Variants in FSD1L observed in about 807,000 individuals in gnomAD.
FSD1L encodes the protein fibronectin type III and SPRY domain containing 1 like.
In FSD1L, 45 loss-of-function variants were observed where a neutral mutation model predicts 71.6. The observed-to-expected ratio is 0.63, with a 90% confidence interval of 0.49 to 0.81. FSD1L has a LOEUF of 0.81. Ranked by LOEUF, FSD1L falls within the 30% of genes least tolerant of loss-of-function variation. FSD1L has a pLI of 0.00. For synonymous variants in FSD1L, 197 were observed against 207.2 expected (o/e 0.95, Z 0.42); for missense variants, 561 against 618.1 (o/e 0.91, Z 0.98).
chr9:105,522,097 G>T, intron 10 of FSD1L: 1 of 1,613,390 alleles, frequency 6.2e-7, no homozygotes, highest in Non-Finnish European at 8.5e-7. Context: ...TTGGCAGGTC[G>T]ACTTGCAGGA....
intron 5 of FSD1L, among the ~76,000 whole-genome samples, chr9:105,477,737 T>A (rs996536129): frequency 6.6e-6 from 1 of 152,218 alleles, no homozygotes; most frequent in East Asian, 1.9e-4. Flanking sequence ...TTAAATTAAC[T>A]TTTTAAACAT....
In FSD1L at chr9:105,479,284, T is replaced by C. The variant is rs960157150; in HGVS notation, c.442-70T>C. On this transcript the variant is annotated intron_variant, in intron 5 of 13. Coordinates refer to ENST00000481272, the MANE Select transcript of FSD1L (RefSeq NM_001145313.3). ...TTTATATCCTAACTTTTCTTGCATGTCACTGCCATTGAAACTTGCATGAAA... is the reference window on the plus strand; with the variant it reads ...TTTATATCCTAACTTTTCTTGCATGCCACTGCCATTGAAACTTGCATGAAA... 5.8e-6 allele frequency: 8 copies of C among 1,382,492 alleles called. No homozygotes were observed. In the Admixed American group the frequency reaches 1.4e-4, roughly 25 times the overall value. The allele number at this position is 1,382,492 out of a possible 1,614,324, so 85.6% of individuals were successfully genotyped here.
At chr9:105,538,009 C>A (rs750056904) in intron 12 of FSD1L, among the ~76,000 whole-genome samples, 2 of 152,100 alleles carry the variant, frequency 1.3e-5, no homozygotes, top group Non-Finnish European at 2.9e-5. Context: ...CCAGTGTGAT[C>A]AAGAGGATGA....
At chr9:105,486,949 C>G (rs1406921125) in intron 7 of FSD1L, among the ~76,000 whole-genome samples, 2 of 152,036 alleles carry the variant, frequency 1.3e-5, no homozygotes, top group African/African-American at 2.4e-5. Flanking sequence ...ATCATATAGA[C>G]AGAATCATGT....
At position 105,468,276 on chromosome 9, in the gene FSD1L, G is replaced by A; in HGVS notation, c.291G>A (p.Met97Ile). The change falls in exon 4 of 14, where the codon ATG (methionine) becomes ATA (isoleucine). Residue 97 changes from methionine (M) to isoleucine (I), a missense_variant. Met to Ile is a conservative substitution (Grantham distance 10). This residue lies in a region of FSD1L where 410 missense variants were observed against 413.5 expected (regional missense o/e 0.99). Transcript: ENST00000481272. ...YSILDEVKES[M>I]INCIKQEQAR... ...TACTGGATGAAGTAAAAGAAAGTAT[G>A]ATTAACTGTATCAAGCAGGAACAAG... The A allele has an allele frequency of 2.7e-6, 4 of 1,491,588 alleles. No homozygotes were observed. The highest frequency in any genetic ancestry group is 3.6e-6 in the Non-Finnish European group (4 of 1,125,980). 92.4% of individuals were successfully genotyped at this position (1,491,588 alleles called of 1,614,324 possible).
At chr9:105,471,389 T>C (rs915892638) in intron 4 of FSD1L, among the ~76,000 whole-genome samples, 1 of 152,120 alleles carries the variant, frequency 6.6e-6, no homozygotes, top group African/African-American at 2.4e-5. Context: ...CTGGCATTGT[T>C]AGAGGGGAGC....
chr9:105,498,461 T>G (rs1833561868), intron 7 of FSD1L, among the ~76,000 whole-genome samples: 1 of 152,108 alleles, frequency 6.6e-6, no homozygotes, highest in Admixed American at 6.6e-5. Context: ...AGCATGTTAC[T>G]GTACTGAATA....
At position 105,479,206 on chromosome 9, in the gene FSD1L, A is replaced by G. The variant is rs904899078; in HGVS notation, c.442-148A>G. 4.4e-5 allele frequency: 27 copies of G among 616,242 alleles called. No homozygotes were observed. The Middle Eastern group carries it at 7.8e-4, about 18-fold the overall frequency. The allele number at this position is 616,242 out of a possible 1,614,324, so 38.2% of individuals were successfully genotyped here. On this transcript the variant is annotated intron_variant, in intron 5 of 13. Coordinates refer to ENST00000481272, the MANE Select transcript of FSD1L (RefSeq NM_001145313.3). ...ATGAAAGCTTATGTGAACTATACAC[A>G]TAAATTTTCTATAGTTTGTGTTTTG...
chr9:105,530,576 G>A lies in FSD1L; in HGVS notation c.1026-3917G>A, dbSNP rs201115063. ...TTAATACATTTTGAAGCAGTGCTAA[G>A]TGAAATTTTTCTCTTTATTTGTATG... is the stretch of plus-strand genomic sequence containing the variant. On this transcript the variant is annotated intron_variant, in intron 10 of 13. Transcript: ENST00000481272. 311 of 693,556 alleles carry A rather than the reference G, an allele frequency of 4.5e-4. 2 individuals carry two copies. The East Asian group carries it at 6.5e-3, about 14-fold the overall frequency. The allele number at this position is 693,556 out of a possible 1,614,324, so 43.0% of individuals were successfully genotyped here.
In FSD1L at chr9:105,467,223, G is replaced by A. The variant is rs565261158; in HGVS notation, c.208-970G>A. ...TACCACCACCTTTGATGAGGTGCCT[G>A]TGAGGTATCTAGTTTTTATAAACAT... On this transcript the variant is annotated intron_variant, in intron 3 of 13. Transcript: ENST00000481272. Among the ~76,000 whole-genome samples the A allele has an allele frequency of 5.7e-4, 87 of 152,264 alleles. 1 individual carries two copies. Among genetic ancestry groups the A allele is most frequent in the African/African-American group, 1.8e-3 (75 of 41,554 alleles).
At chr9:105,479,292 A>G (rs972404038) in intron 5 of FSD1L, 62 bp from the exon 6 acceptor site, 4 of 1,482,134 alleles carry the variant, frequency 2.7e-6, no homozygotes, top group African/African-American at 1.4e-5. Context: ...TGTCACTGCC[A>G]TTGAAACTTG....
At chr9:105,477,837 C>T (rs960134140) in intron 5 of FSD1L, among the ~76,000 whole-genome samples, 2 of 152,052 alleles carry the variant, frequency 1.3e-5, no homozygotes, top group South Asian at 2.1e-4. Context: ...GAATGATTTT[C>T]GGAAACATTA....
At position 105,490,094 on chromosome 9, in the gene FSD1L, G is replaced by A. The variant is rs376235637; in HGVS notation, c.586+5592G>A. Among the ~76,000 whole-genome samples the A allele has an allele frequency of 2.5e-4, 38 of 152,288 alleles. No homozygotes were observed. In the East Asian group the frequency reaches 6.9e-3, roughly 28 times the overall value. On this transcript the variant is annotated intron_variant, in intron 7 of 13. Coordinates refer to ENST00000481272, the MANE Select transcript of FSD1L (RefSeq NM_001145313.3). ...GGAATCACCACACTGACTTCCACAA[G>A]GGATGAACTAGTTTACAGTCCCACC...
rs528374854 is a variant in FSD1L at position 105,487,086 on chromosome 9, A to G, written c.586+2584A>G. 3.9e-5 allele frequency among the ~76,000 whole-genome samples: 6 copies of G among 152,280 alleles called. No individual in the cohort carries two copies. In the East Asian group the frequency reaches 1.2e-3, roughly 29 times the overall value. ...AAGCATACATATACATTGTTATATA[A>G]TTTTGCTTTGCCACTTAACAGTATG... On this transcript the variant is annotated intron_variant, in intron 7 of 13. Coordinates refer to ENST00000481272, the MANE Select transcript of FSD1L (RefSeq NM_001145313.3).
rs929255907 is a variant in FSD1L at position 105,454,407 on chromosome 9, C to T, written c.15+6172C>T. 2.6e-5 allele frequency among the ~76,000 whole-genome samples: 4 copies of T among 152,258 alleles called. No homozygotes were observed. In the South Asian group the frequency reaches 8.3e-4, roughly 32 times the overall value. ...TGTTATAAATATCACAGATAAGCAT[C>T]CTTGTAGCCAAGTCTCTGCTTACAC... On this transcript the variant is annotated intron_variant, in intron 1 of 13. Transcript: ENST00000481272.
upstream of FSD1L, chr9:105,447,901 G>A (rs1040197059): frequency 2.5e-5 from 12 of 482,738 alleles, no homozygotes; most frequent in African/African-American, 4.2e-5. Flanking sequence ...GGGGAAGGGA[G>A]TGCAGCCTGC....
At chr9:105,544,708 G>C (rs1206492109) in intron 13 of FSD1L, among the ~76,000 whole-genome samples, 4 of 151,990 alleles carry the variant, frequency 2.6e-5, no homozygotes, top group East Asian at 1.9e-4. Flanking sequence ...TCTTGTTTTT[G>C]TCAGGTTTGT....
chr9:105,523,693 A>C (rs577434013), intron 10 of FSD1L: 1 of 1,597,874 alleles, frequency 6.3e-7, no homozygotes, highest in Non-Finnish European at 8.6e-7. Context: ...GGTAAATTAC[A>C]TGCATATAAA....
At chr9:105,478,461 T>C (rs1258541949) in intron 5 of FSD1L, among the ~76,000 whole-genome samples, 1 of 152,218 alleles carries the variant, frequency 6.6e-6, no homozygotes, top group Non-Finnish European at 1.5e-5. Flanking sequence ...TGCTAGGCAC[T>C]GGGGATACAG....
Sources: gnomAD v4.1 joint callset for allele counts (sites outside exome capture counted in the v4.1 genomes callset) on GRCh38, gnomAD v4.1.1 for gene constraint, gnomAD v4.1.1 regional missense constraint, MANE v1.5 for transcripts, NCBI Gene and HGNC (gene_info 2026-07-23, HGNC 2026-07-21) for gene names.